The following ADAD1 variants were observed in gnomAD, a reference collection of about 807,000 sequenced individuals.
ADAD1 encodes adenosine deaminase domain containing 1.
Under a neutral mutation model 66.8 loss-of-function variants are expected in ADAD1, and 46 were observed. That is an observed-to-expected ratio of 0.69 (90% CI 0.54 to 0.88). The LOEUF (loss-of-function observed/expected upper bound fraction) is 0.88. Among genes scored for constraint, ADAD1 ranks in the 40% least tolerant of loss-of-function variants. The pLI, the probability that ADAD1 is intolerant of heterozygous loss-of-function variation, is 0.00. For missense variants in ADAD1, 617 were observed against 681.8 expected, an observed-to-expected ratio of 0.91 and a Z score of 1.06; for synonymous variants, 248 against 229.4, an observed-to-expected ratio of 1.08 and a Z score of -0.73.
chr4:122,415,753 T>TA, intron 11 of ADAD1, 137 bp downstream of exon 11: 1 of 816,734 alleles, frequency 1.2e-6, no homozygotes, highest in Non-Finnish European at 1.9e-6. Context: ...CAAGTGTGAC[T>TA]ATGTTACAGG....
At chr4:122,385,049 G>A (rs1795097452) in intron 5 of ADAD1, among the ~76,000 whole-genome samples, 1 of 151,976 alleles carries the variant, frequency 6.6e-6, no homozygotes, top group Non-Finnish European at 1.5e-5. Context: ...TTTTTCTACT[G>A]TAGACAGCTG....
At position 122,385,460 on chromosome 4, in the gene ADAD1, A is replaced by T. The variant is rs563466314; in HGVS notation, c.529+1494A>T. Among the ~76,000 whole-genome samples the T allele has an allele frequency of 1.4e-4, 21 of 152,198 alleles. No homozygotes were observed. In the South Asian group the frequency reaches 3.7e-3, roughly 27 times the overall value. On this transcript the variant is annotated intron_variant, in intron 5 of 12. Coordinates refer to ENST00000296513, the MANE Select transcript of ADAD1 (RefSeq NM_139243.4). ...GCTAATTTTTGTATTTTTAGTAGAG[A>T]TGGGGTTTCACCATGTTGGCCAGGC...
At chr4:122,426,143 CAA>C (rs918617858) in intron 12 of ADAD1, among the ~76,000 whole-genome samples, 5 of 151,896 alleles carry the variant, frequency 3.3e-5, no homozygotes, top group Admixed American at 2.6e-4. Flanking sequence ...CACAAATTAT[CAA>C]AATCTGGAAT....
chr4:122,405,786 G>A (rs776713625), intron 7 of ADAD1, among the ~76,000 whole-genome samples: 1 of 151,952 alleles, frequency 6.6e-6, no homozygotes, highest in African/African-American at 2.4e-5. Context: ...CTGTTTTTAC[G>A]AGTTCAACCT....
intron 12 of ADAD1, among the ~76,000 whole-genome samples, chr4:122,423,182 T>A (rs1190758929): frequency 1.3e-5 from 2 of 152,122 alleles, no homozygotes; most frequent in Non-Finnish European, 2.9e-5. Flanking sequence ...GGAGGTATAC[T>A]TGATTTGGGA....
intron 7 of ADAD1, among the ~76,000 whole-genome samples, chr4:122,404,538 C>A (rs535266501): frequency 6.6e-6 from 1 of 152,286 alleles, no homozygotes; most frequent in South Asian, 2.1e-4. Context: ...TTTCAGCTGT[C>A]TCACAGAGTT....
chr4:122,427,127 T>G (rs576894570), intron 12 of ADAD1, among the ~76,000 whole-genome samples: 77 of 152,310 alleles, frequency 5.1e-4, no homozygotes, highest in Non-Finnish European at 9.6e-4. Context: ...ATATATGACT[T>G]TAGCAAGGTC....
At chr4:122,399,740 C>CTTTTTT (rs145100591) in intron 7 of ADAD1, among the ~76,000 whole-genome samples, 53 of 110,506 alleles carry the variant, frequency 4.8e-4, no homozygotes, top group African/African-American at 1.6e-3. Context: ...ATTTTCTTTT[C>CTTTTTT]TTTTTTTTTT....
In ADAD1 at chr4:122,404,751, G is replaced by T. The variant is rs573830741; in HGVS notation, c.725-3157G>T. 2.0e-5 allele frequency among the ~76,000 whole-genome samples: 3 copies of T among 152,080 alleles called. No homozygotes were observed. The South Asian group carries it at 6.2e-4, about 32-fold the overall frequency. On this transcript the variant is annotated intron_variant, in intron 7 of 12. Transcript: ENST00000296513. Reference sequence around the variant, plus strand: ...AAATCACCTTATCATTTTTAATTGGGTCTATAAGAAGCTATCAGATCTAAA... The same window carrying T: ...AAATCACCTTATCATTTTTAATTGGTTCTATAAGAAGCTATCAGATCTAAA...
chr4:122,405,179 A>G (rs1796151860), intron 7 of ADAD1, among the ~76,000 whole-genome samples: 1 of 152,190 alleles, frequency 6.6e-6, no homozygotes, highest in Non-Finnish European at 1.5e-5. Flanking sequence ...TATCCTAGGA[A>G]TGAAAGCAGA....
chr4:122,396,412 A>G (rs1448881179), intron 7 of ADAD1, 35 bp downstream of exon 7: 4 of 1,503,828 alleles, frequency 2.7e-6, no homozygotes, highest in Non-Finnish European at 3.6e-6. Flanking sequence ...CTAATATTGT[A>G]ATAATCTAAT....
intron 6 of ADAD1, among the ~76,000 whole-genome samples, chr4:122,395,803 A>G (rs1795682939): frequency 2.0e-5 from 3 of 152,224 alleles, no homozygotes; most frequent in Admixed American, 6.5e-5. Context: ...ACATGGAACT[A>G]TATCAAGAAT....
intron 6 of ADAD1, among the ~76,000 whole-genome samples, chr4:122,394,369 C>A (rs530266222): frequency 1.3e-5 from 2 of 152,208 alleles, no homozygotes; most frequent in East Asian, 3.9e-4. Context: ...ACTTTTACTA[C>A]CAAGTGGGCA....
Position 122,393,103 on chromosome 4 carries a change from T to C in ADAD1, c.530-486T>C, listed in dbSNP as rs912440365. On this transcript the variant is annotated intron_variant, in intron 5 of 12. Coordinates refer to ENST00000296513, the MANE Select transcript of ADAD1 (RefSeq NM_139243.4). ...AAACTTTTTTCTGTACTCCCTAACTTTGGAGACCAAATTGAAAAGCAGTTG... is the reference window on the plus strand; with the variant it reads ...AAACTTTTTTCTGTACTCCCTAACTCTGGAGACCAAATTGAAAAGCAGTTG... 2.0e-5 allele frequency among the ~76,000 whole-genome samples: 3 copies of C among 151,870 alleles called. No homozygotes were observed. In the South Asian group the frequency reaches 6.3e-4, roughly 32 times the overall value.
At chr4:122,392,858 T>G (rs1044392839) in intron 5 of ADAD1, among the ~76,000 whole-genome samples, 11 of 152,218 alleles carry the variant, frequency 7.2e-5, no homozygotes. Flanking sequence ...TATTTTTCTT[T>G]TACTCGTATG....
Position 122,380,143 on chromosome 4 carries a change from C to T in ADAD1, c.74C>T (p.Pro25Leu). ...GCCCAGATGCTGAAAAAGAACCTGC[C>T]AGTTCAACCAGCGACAAAGACGATA... The part of the protein sequence containing the change: ...SFAQMLKKNL[P>L]VQPATKTITT... Residue 25 changes from proline (P) to leucine (L), a missense_variant, in exon 3 of 13, where the codon CCA (proline) becomes CTA (leucine). By Grantham distance (98) the Pro-to-Leu change is moderately conservative. Coordinates refer to ENST00000296513, the MANE Select transcript of ADAD1 (RefSeq NM_139243.4). 1 of 1,614,094 alleles carries T rather than the reference C, an allele frequency of 6.2e-7. No individual in the cohort carries two copies. The highest frequency in any genetic ancestry group is 8.5e-7 in the Non-Finnish European group (1 of 1,180,028).
At chr4:122,388,917 ATTAG>A (rs1256506425) in intron 5 of ADAD1, among the ~76,000 whole-genome samples, 2 of 151,656 alleles carry the variant, frequency 1.3e-5, no homozygotes, top group African/African-American at 4.8e-5. Context: ...TAGCTTTTGG[ATTAG>A]TTTACTCTTG....
At chr4:122,386,275 G>A (rs1561531547) in intron 5 of ADAD1, among the ~76,000 whole-genome samples, 1 of 152,102 alleles carries the variant, frequency 6.6e-6, no homozygotes, top group East Asian at 1.9e-4. Context: ...GTTTTGATTT[G>A]CATTTCTCTG....
At chr4:122,422,956 TAAAAAAAAAAA>T (rs537676034) in intron 12 of ADAD1, among the ~76,000 whole-genome samples, 127 of 97,196 alleles carry the variant, frequency 1.3e-3, no homozygotes, top group Admixed American at 1.7e-3. Flanking sequence ...TATTTCTCTT[TAAAAAAAAAAA>T]AAAAAAAAAA....
Sources: allele counts gnomAD v4.1 joint callset (sites outside exome capture counted in the v4.1 genomes callset), GRCh38; gene constraint gnomAD v4.1.1; transcripts MANE v1.5; gene names NCBI Gene and HGNC (gene_info 2026-07-23, HGNC 2026-07-21).